Variants in COL25A1 observed in about 807,000 individuals in gnomAD.
The protein encoded by COL25A1 is collagen type XXV alpha 1 chain.
COL25A1 carries 103 observed loss-of-function variants against 128.4 expected under a neutral mutation model. The ratio of observed to expected loss-of-function variants is 0.80; its 90% CI spans 0.68 to 0.94. The LOEUF (loss-of-function observed/expected upper bound fraction) is 0.94. Ranked by LOEUF, COL25A1 falls within the 40% of genes least tolerant of loss-of-function variation. The pLI is 0.00. For synonymous variants in COL25A1, 279 were observed against 277.2 expected (o/e 1.01, Z -0.06); for missense variants, 745 against 840.0 (o/e 0.89, Z 1.40).
intron 24 of COL25A1, among the ~76,000 whole-genome samples, chr4:108,855,122 T>C (rs1402318521): frequency 1.3e-5 from 2 of 151,834 alleles, no homozygotes; most frequent in Admixed American, 6.6e-5. Flanking sequence ...AACTTGTAGG[T>C]ATCAGTTGAA....
chr4:109,048,544 T>C (rs1053647180), intron 4 of COL25A1, among the ~76,000 whole-genome samples: 1 of 152,194 alleles, frequency 6.6e-6, no homozygotes, highest in Non-Finnish European at 1.5e-5. Context: ...AGAATTGATA[T>C]ATAATTTCTT....
intron 13 of COL25A1, among the ~76,000 whole-genome samples, chr4:108,906,203 C>T (rs998858560): frequency 3.3e-5 from 5 of 152,202 alleles, no homozygotes; most frequent in African/African-American, 7.2e-5. Flanking sequence ...CTCTGACCTC[C>T]CTTCTGCTGC....
intron 34 of COL25A1, among the ~76,000 whole-genome samples, chr4:108,824,548 G>A (rs532824862): frequency 1.8e-4 from 27 of 152,260 alleles, no homozygotes; most frequent in African/African-American, 4.3e-4. Context: ...ACTTTAGTCC[G>A]TTGACTGTAA....
At chr4:109,222,651 T>C (rs1033505912) in intron 3 of COL25A1, among the ~76,000 whole-genome samples, 7 of 152,192 alleles carry the variant, frequency 4.6e-5, no homozygotes, top group African/African-American at 1.4e-4. Flanking sequence ...TTCACACACC[T>C]AGTCAACTAT....
At chr4:109,029,711 G>T (rs1278313865) in intron 5 of COL25A1, among the ~76,000 whole-genome samples, 2 of 152,034 alleles carry the variant, frequency 1.3e-5, no homozygotes, top group Non-Finnish European at 2.9e-5. Context: ...TATCGCCTTG[G>T]ACAAGAAGGA....
intron 3 of COL25A1, among the ~76,000 whole-genome samples, chr4:109,203,274 A>G (rs1776714987): frequency 6.6e-6 from 1 of 152,222 alleles, no homozygotes. Context: ...CCATGCCTTC[A>G]AATTTTAAAA....
At chr4:109,066,638 C>A (rs996831345) in intron 3 of COL25A1, among the ~76,000 whole-genome samples, 3 of 152,094 alleles carry the variant, frequency 2.0e-5, no homozygotes, top group African/African-American at 7.2e-5. Context: ...GATGAACGAA[C>A]TCCAAAATAA....
chr4:108,862,607 A>G, intron 21 of COL25A1, 62 bp from the exon 22 acceptor site: 1 of 1,401,442 alleles, frequency 7.1e-7, no homozygotes, highest in Non-Finnish European at 1.0e-6. Flanking sequence ...GAACAGAAAA[A>G]TAGAAATTAG....
chr4:109,229,322 T>G (rs1441470716), intron 3 of COL25A1, among the ~76,000 whole-genome samples: 1 of 152,348 alleles, frequency 6.6e-6, no homozygotes, highest in Non-Finnish European at 1.5e-5. Flanking sequence ...CCATTGCTCC[T>G]AGGGGAAATA....
At chr4:109,140,039 A>G (rs1416767222) in intron 3 of COL25A1, among the ~76,000 whole-genome samples, 1 of 152,154 alleles carries the variant, frequency 6.6e-6, no homozygotes, top group Non-Finnish European at 1.5e-5. Flanking sequence ...TCCATGGTGT[A>G]TATGTGCCAC....
At chr4:109,266,360 T>A (rs974201836) in intron 3 of COL25A1, among the ~76,000 whole-genome samples, 1 of 152,300 alleles carries the variant, frequency 6.6e-6, no homozygotes, top group Non-Finnish European at 1.5e-5. Flanking sequence ...CTGGAAACGA[T>A]GAGGTGAAGA....
At chr4:109,211,318 A>G (rs1208236987) in intron 3 of COL25A1, among the ~76,000 whole-genome samples, 1 of 134,540 alleles carries the variant, frequency 7.4e-6, no homozygotes, top group East Asian at 2.2e-4. Context: ...ATATATATAT[A>G]TATATATATA....
intron 24 of COL25A1, among the ~76,000 whole-genome samples, chr4:108,857,582 G>A (rs989812716): frequency 3.4e-5 from 5 of 148,722 alleles, no homozygotes; most frequent in Non-Finnish European, 4.5e-5. Context: ...AAAAAAAAAC[G>A]ACTTAGTGCT....
At chr4:109,136,477 G>A (rs991563998) in intron 3 of COL25A1, among the ~76,000 whole-genome samples, 2 of 152,218 alleles carry the variant, frequency 1.3e-5, no homozygotes, top group Non-Finnish European at 2.9e-5. Flanking sequence ...ACCCAAATGT[G>A]GAAAATTGGG....
At chr4:109,245,246 T>C (rs1780183894) in intron 3 of COL25A1, among the ~76,000 whole-genome samples, 3 of 152,150 alleles carry the variant, frequency 2.0e-5, no homozygotes, top group Admixed American at 1.3e-4. Context: ...TAGACCAATA[T>C]GGTCCAGTTT....
chr4:108,816,617 C>A (rs964011435), intron 37 of COL25A1, among the ~76,000 whole-genome samples: 2 of 152,116 alleles, frequency 1.3e-5, no homozygotes, highest in African/African-American at 4.8e-5. Flanking sequence ...TTTACTGTTG[C>A]TTTCCATTGT....
chr4:108,926,531 A>C (rs1362632369), intron 11 of COL25A1, among the ~76,000 whole-genome samples: 3 of 152,208 alleles, frequency 2.0e-5, no homozygotes, highest in African/African-American at 7.2e-5. Context: ...TCCAAAGGGA[A>C]GAATGATAAC....
intron 3 of COL25A1, among the ~76,000 whole-genome samples, chr4:109,177,127 TC>T (rs374273537): frequency 3.3e-5 from 5 of 152,264 alleles, no homozygotes; most frequent in African/African-American, 1.2e-4. Context: ...AAATCAAGTT[TC>T]TAAATTGGAA....
At chr4:108,906,836 T>C (rs1320511320) in intron 13 of COL25A1, among the ~76,000 whole-genome samples, 4 of 152,124 alleles carry the variant, frequency 2.6e-5, no homozygotes, top group East Asian at 3.9e-4. Flanking sequence ...TCATACATAA[T>C]AGCTGTTCAG....
Sources: allele counts gnomAD v4.1 joint callset (sites outside exome capture counted in the v4.1 genomes callset), GRCh38; gene constraint gnomAD v4.1.1; transcripts MANE v1.5; gene names NCBI Gene and HGNC (gene_info 2026-07-23, HGNC 2026-07-21).